The following PAK1IP1 variants were observed in gnomAD, a reference collection of about 807,000 sequenced individuals.
PAK1IP1 encodes PAK1 interacting protein 1.
A neutral mutation model predicts 42.0 loss-of-function variants in PAK1IP1; 24 were observed. That is an observed-to-expected ratio of 0.57 (90% CI 0.41 to 0.80). The LOEUF is 0.80. PAK1IP1 is among the 30% of genes least tolerant of loss of function. The pLI, the probability that PAK1IP1 is intolerant of heterozygous loss-of-function variation, is 0.00. For synonymous variants in PAK1IP1, 154 were observed against 156.7 expected (o/e 0.98, Z 0.13); for missense variants, 411 against 467.9 (o/e 0.88, Z 1.12).
At chr6:10,690,973 C>T (rs1342071039), upstream of PAK1IP1, among the ~76,000 whole-genome samples, 1 of 152,178 alleles carries the variant, frequency 6.6e-6, no homozygotes, top group Non-Finnish European at 1.5e-5. Context: ...GAAACTACTG[C>T]CACAGCCATG....
In PAK1IP1 at chr6:10,698,667, C is replaced by T. The variant is rs115065720; in HGVS notation, c.247+1181C>T. Among the ~76,000 whole-genome samples, 706 of 152,228 alleles carry T rather than the reference C, an allele frequency of 4.6e-3. 9 individuals are homozygous for T. Among genetic ancestry groups the T allele is most frequent in the African/African-American group, 0.016 (646 of 41,564 alleles). The stretch of plus-strand genomic sequence containing the variant: ...TGAGGAAAGTACTGCCAGTTTGTAT[C>T]GGAGGGGTGCTGACTGAGAACCCCA... On this transcript the variant is annotated intron_variant, in intron 2 of 9. Transcript: ENST00000379568.
At chr6:10,700,897 T>C (rs963768318) in intron 2 of PAK1IP1, among the ~76,000 whole-genome samples, 3 of 152,260 alleles carry the variant, frequency 2.0e-5, no homozygotes, top group Admixed American at 2.0e-4. Flanking sequence ...AAACGTCCCA[T>C]GGTGGTTTGC....
At chr6:10,697,241 G>T in intron 1 of PAK1IP1, 83 bp from the exon 2 acceptor site, 1 of 1,116,268 alleles carries the variant, frequency 9.0e-7, no homozygotes, top group Non-Finnish European at 1.3e-6. Flanking sequence ...AAATGGTTCC[G>T]TGATTCATGA....
rs1438079472 is a variant in PAK1IP1 at position 10,709,592 on chromosome 6, A to G, written c.*140A>G. 1 of 375,356 alleles carries G rather than the reference A, an allele frequency of 2.7e-6. No individual in the cohort carries two copies. Among genetic ancestry groups the G allele is most frequent in the African/African-American group, 3.1e-5 (1 of 32,710 alleles). The allele number at this position is 375,356 out of a possible 1,614,324, so 23.3% of individuals were successfully genotyped here. ...ATATATATTAAAAAACCACTTTTAG[A>G]TGGTTTTTTTTAAAAAAAAAAAAAA... On this transcript the variant is annotated 3_prime_UTR_variant, in exon 10 of 10. Transcript: ENST00000379568.
intron 1 of PAK1IP1, 50 bp downstream of exon 1, chr6:10,695,119 G>C: frequency 1.6e-6 from 2 of 1,245,280 alleles, no homozygotes; most frequent in African/African-American, 1.5e-5. Context: ...CGGGAAGGTC[G>C]GGTTTGGTTC....
chr6:10,696,874 C>T (rs1769877521), intron 1 of PAK1IP1, among the ~76,000 whole-genome samples: 1 of 152,112 alleles, frequency 6.6e-6, no homozygotes, highest in South Asian at 2.1e-4. Flanking sequence ...GTATCAACTG[C>T]TTGGAATAGT....
In PAK1IP1 at chr6:10,704,596, T is replaced by G; in HGVS notation, c.586T>G (p.Ser196Ala). 6.2e-7 allele frequency: 1 copy of G among 1,607,086 alleles called. No individual in the cohort carries two copies. The highest frequency in any genetic ancestry group is 8.5e-7 in the Non-Finnish European group (1 of 1,174,380). The change falls in exon 6 of 10, where the codon TCC (serine) becomes GCC (alanine). Residue 196 changes from serine to alanine, a missense_variant. By Grantham distance (99) the Ser-to-Ala change is moderately conservative (BLOSUM62 1). Coordinates refer to ENST00000379568, the MANE Select transcript of PAK1IP1 (RefSeq NM_017906.3). ...AGACATCTATCAGCTTGACACTGCA[T>G]CCATTAGTGGCACCATCACAAATGA... ...KIDIYQLDTA[S>A]ISGTITNEKR... is the part of the protein sequence containing the mutation.
At chr6:10,703,164 A>G (rs1427882479) in intron 4 of PAK1IP1, among the ~76,000 whole-genome samples, 1 of 152,178 alleles carries the variant, frequency 6.6e-6, no homozygotes, top group Non-Finnish European at 1.5e-5. Context: ...TGAATTGAAG[A>G]TTTTAGAAAG....
intron 7 of PAK1IP1, among the ~76,000 whole-genome samples, chr6:10,705,247 G>A (rs959205271): frequency 1.3e-5 from 2 of 152,132 alleles, no homozygotes; most frequent in East Asian, 1.9e-4. Flanking sequence ...GAACCCTGGA[G>A]GCGGAGGTTG....
At position 10,697,413 on chromosome 6, in the gene PAK1IP1, G is replaced by GTC; in HGVS notation, c.174_175insTC (p.Lys60AlafsTer11). On this transcript the variant is annotated frameshift_variant, in exon 2 of 10. Coordinates refer to ENST00000379568, the MANE Select transcript of PAK1IP1 (RefSeq NM_017906.3). LOFTEE classifies it high-confidence loss of function. ...TAAATAGTCGTTTTGTGGTCACTGG[G>GTC]AGCAAAGATGAAACAATTCACATTT... The GTC allele has an allele frequency of 6.2e-7, 1 of 1,613,958 alleles. No individual in the cohort carries two copies. Among genetic ancestry groups the GTC allele is most frequent in the African/African-American group, 1.3e-5 (1 of 75,014 alleles).
Position 10,695,162 on chromosome 6 carries a change from C to A in PAK1IP1, c.84+93C>A, listed in dbSNP as rs952868903. The stretch of plus-strand genomic sequence containing the variant: ...GCAGAGGTGAACATTGGAGCGCCTG[C>A]TGTTCACTGGATGATTTGATGAATC... On this transcript the variant is annotated intron_variant, in intron 1 of 9. Coordinates refer to ENST00000379568, the MANE Select transcript of PAK1IP1 (RefSeq NM_017906.3). The A allele has an allele frequency of 4.8e-5, 36 of 749,756 alleles. No homozygotes were observed. In the African/African-American group the frequency reaches 5.9e-4, roughly 12 times the overall value. The allele number at this position is 749,756 out of a possible 1,614,324, so 46.4% of individuals were successfully genotyped here.
At chr6:10,708,325 T>TA (rs112337641) in intron 8 of PAK1IP1, among the ~76,000 whole-genome samples, 31,372 of 151,990 alleles carry the variant, frequency 0.21, 10,001 homozygotes, top group African/African-American at 0.69. Flanking sequence ...TCACTTCGTG[T>TA]ATGTTTCTAA....
upstream of PAK1IP1, among the ~76,000 whole-genome samples, chr6:10,693,297 T>C (rs1413176741): frequency 6.6e-5 from 10 of 152,258 alleles, no homozygotes; most frequent in East Asian, 1.9e-4. Flanking sequence ...CCATCTGCAA[T>C]TGAGCACCCT....
At chr6:10,705,289 A>G (rs533724424) in intron 7 of PAK1IP1, among the ~76,000 whole-genome samples, 4 of 152,066 alleles carry the variant, frequency 2.6e-5, no homozygotes, top group African/African-American at 4.8e-5. Context: ...CTGCACTCCA[A>G]CCTGGTGACA....
upstream of PAK1IP1, among the ~76,000 whole-genome samples, chr6:10,692,543 CG>C (rs1769423907): frequency 6.6e-6 from 1 of 152,084 alleles, no homozygotes; most frequent in Non-Finnish European, 1.5e-5. Flanking sequence ...CTAATTCAAG[CG>C]ATTCTCCCGC....
upstream of PAK1IP1, chr6:10,694,438 C>A (rs1769674812): frequency 6.5e-6 from 1 of 154,460 alleles, no homozygotes. Context: ...CAAGGCAGCG[C>A]GAGCGCTGCG....
rs1561896271 is a variant in PAK1IP1, at chr6:10,709,602, T to TA, written c.*150_*151insA. ...AAAAACCACTTTTAGATGGTTTTTTTTAAAAAAAAAAAAAAAACTGGTAAA... is the reference window on the plus strand; with the variant it reads ...AAAAACCACTTTTAGATGGTTTTTTTATAAAAAAAAAAAAAAAACTGGTAAA... On this transcript the variant is annotated 3_prime_UTR_variant, in exon 10 of 10. Transcript: ENST00000379568. 829 of 360,916 alleles carry TA rather than the reference T, an allele frequency of 2.3e-3. No homozygotes were observed. Among genetic ancestry groups the TA allele is most frequent in the Middle Eastern group, 3.7e-3 (5 of 1,342 alleles). The allele number at this position is 360,916 out of a possible 1,614,324, so 22.4% of individuals were successfully genotyped here.
upstream of PAK1IP1, chr6:10,694,599 AGC>A: frequency 1.1e-5 from 2 of 178,262 alleles, no homozygotes; most frequent in South Asian, 2.1e-4. Flanking sequence ...ACAGCCCCTA[AGC>A]AACCGGCCGG....
chr6:10,703,513 T>C, intron 5 of PAK1IP1, 56 bp downstream of exon 5: 1 of 1,341,156 alleles, frequency 7.5e-7, no homozygotes. Flanking sequence ...AAATCTGAAA[T>C]GCTCCAAAAT....
Sources: allele counts gnomAD v4.1 joint callset (sites outside exome capture counted in the v4.1 genomes callset), GRCh38; gene constraint gnomAD v4.1.1; transcripts MANE v1.5; gene names NCBI Gene and HGNC (gene_info 2026-07-23, HGNC 2026-07-21).